Variants in PIEZO2 observed in about 807,000 individuals in gnomAD.
PIEZO2 encodes piezo-type mechanosensitive ion channel component 2.
In PIEZO2, 172 loss-of-function variants were observed where a neutral mutation model predicts 337.3. That is an observed-to-expected ratio of 0.51 (90% confidence interval 0.45 to 0.58). The LOEUF is 0.58. Among genes scored for constraint, PIEZO2 ranks in the 20% least tolerant of loss-of-function variants. The pLI is 0.00. For synonymous variants in PIEZO2, 1,251 were observed against 1,228.5 expected (o/e 1.02, Z -0.38); for missense variants, 3,028 against 3,391.3 (o/e 0.89, Z 2.66).
chr18:10,883,960 G>A (rs1009772037), intron 4 of PIEZO2, among the ~76,000 whole-genome samples: 8 of 151,826 alleles, frequency 5.3e-5, no homozygotes, highest in South Asian at 2.1e-4. Flanking sequence ...ACAGGTGCCC[G>A]CCACCATGCC....
At chr18:10,725,204 C>G in intron 36 of PIEZO2, 1 of 1,556,712 alleles carries the variant, frequency 6.4e-7, no homozygotes, top group Middle Eastern at 1.7e-4. Context: ...ATCATTGAGG[C>G]TGTTCTGGAG....
At chr18:10,928,096 A>C (rs906239585) in intron 3 of PIEZO2, among the ~76,000 whole-genome samples, 1 of 152,200 alleles carries the variant, frequency 6.6e-6, no homozygotes, top group African/African-American at 2.4e-5. Context: ...CTCACAAGAA[A>C]GCAATACGTG....
At chr18:11,030,425 A>G (rs900892890) in intron 2 of PIEZO2, among the ~76,000 whole-genome samples, 1 of 152,058 alleles carries the variant, frequency 6.6e-6, no homozygotes, top group African/African-American at 2.4e-5. Context: ...GGTCCCTAGT[A>G]CTCCCTAAGC....
rs1326896906 is a variant in PIEZO2 at position 10,705,643 on chromosome 18, C to G, written c.5692G>C (p.Glu1898Gln). 6.5e-7 allele frequency: 1 copy of G among 1,537,054 alleles called. No individual in the cohort carries two copies. The highest frequency in any genetic ancestry group is 8.7e-7 in the Non-Finnish European group (1 of 1,146,926). ...QEEEAGSTAP[E>Q]PREAKEYEAT... ...TCGTACTCCTTGGCCTCCCTGGGCTCAGGCGCCGTGCTCCCTGCCTCCTCC... is the reference window on the plus strand; with the variant it reads ...TCGTACTCCTTGGCCTCCCTGGGCTGAGGCGCCGTGCTCCCTGCCTCCTCC... The change falls in exon 41 of 56, where the codon GAG (glutamate) becomes CAG (glutamine). Residue 1898 changes from glutamate (E) to glutamine (Q), a missense_variant. By Grantham distance (29) the Glu-to-Gln change is conservative. Transcript: ENST00000674853.
At position 10,942,062 on chromosome 18, in the gene PIEZO2, G is replaced by A. The variant is rs758558529; in HGVS notation, c.287-30834C>T. On this transcript the variant is annotated intron_variant, in intron 3 of 55. Coordinates refer to ENST00000674853, the MANE Select transcript of PIEZO2 (RefSeq NM_001378183.1). The surrounding 1 kb of genome is among the most constrained non-coding windows in gnomAD (Gnocchi z 4.4). ...ATGTGACTTGCTCCTCCTTGCTTTC[G>A]GCCACGATCGTGAGGCCTCTCCAGC... Among the ~76,000 whole-genome samples, 8 of 152,230 alleles carry A rather than the reference G, an allele frequency of 5.3e-5. No homozygotes were observed. The South Asian group carries it at 1.2e-3, about 24-fold the overall frequency.
chr18:10,740,914 T>G (rs2037192429), intron 33 of PIEZO2, 117 bp downstream of exon 33: 1 of 1,089,264 alleles, frequency 9.2e-7, no homozygotes. Flanking sequence ...CGACCCCCTA[T>G]CAAGTCACAA....
rs538157918 is a variant in PIEZO2 at position 10,839,172 on chromosome 18, T to C, written c.917+16181A>G. Among the ~76,000 whole-genome samples, 16 of 152,280 alleles carry C rather than the reference T, an allele frequency of 1.1e-4. No homozygotes were observed. The South Asian group carries it at 1.9e-3, about 18-fold the overall frequency. On this transcript the variant is annotated intron_variant, in intron 7 of 55. Transcript: ENST00000674853. ...TTCACATAACTGAAAAAATAGTAAA[T>C]AGTGAAACTCACAAGTCCCAGTCTG...
intron 2 of PIEZO2, among the ~76,000 whole-genome samples, chr18:11,064,851 G>T (rs940231634): frequency 6.6e-6 from 1 of 152,174 alleles, no homozygotes; most frequent in Non-Finnish European, 1.5e-5. Context: ...TGGAAAAGGA[G>T]CTCCACACCG....
rs913328557 is a variant in PIEZO2 at position 10,894,219 on chromosome 18, G to C, written c.329+16967C>G. On this transcript the variant is annotated intron_variant, in intron 4 of 55. Coordinates refer to ENST00000674853, the MANE Select transcript of PIEZO2 (RefSeq NM_001378183.1). This position sits in a 1 kb window ranked among gnomAD's most constrained non-coding sequence, Gnocchi z 4.1. The stretch of plus-strand genomic sequence containing the variant: ...TGTAATCCCAGCACTCTGGAAGGCC[G>C]ATGGGGGCGGATCACCTGAGGTCAG... Among the ~76,000 whole-genome samples, 1 of 152,114 alleles carries C rather than the reference G, an allele frequency of 6.6e-6. No homozygotes were observed. The highest frequency in any genetic ancestry group is 1.5e-5 in the Non-Finnish European group (1 of 68,036).
intron 4 of PIEZO2, 67 bp from the exon 5 acceptor site, chr18:10,871,482 T>C (rs943556081): frequency 2.2e-6 from 3 of 1,378,992 alleles, no homozygotes; most frequent in Non-Finnish European, 2.9e-6. Context: ...TAAACTGCCT[T>C]ATAGGATGTT....
chr18:10,756,649 T>C (rs1333840861), intron 27 of PIEZO2, among the ~76,000 whole-genome samples: 1 of 129,880 alleles, frequency 7.7e-6, no homozygotes, highest in Non-Finnish European at 1.6e-5. Context: ...GGGGTGGGGA[T>C]GAGGATGAGC....
In PIEZO2 at chr18:10,873,625, A is replaced by ATTTC. The variant is rs1022687024; in HGVS notation, c.330-2211_330-2210insGAAA. Among the ~76,000 whole-genome samples the ATTTC allele has an allele frequency of 3.2e-4, 48 of 152,218 alleles. 1 individual carries two copies. The highest frequency in any genetic ancestry group is 1.1e-3 in the African/African-American group (44 of 41,544). On this transcript the variant is annotated intron_variant, in intron 4 of 55. Coordinates refer to ENST00000674853, the MANE Select transcript of PIEZO2 (RefSeq NM_001378183.1). The stretch of plus-strand genomic sequence containing the variant: ...ATCATCATACTAATGGACAGACGGT[A>ATTTC]TTTAACTAGTCAACTACTGTTATAA...
chr18:10,680,376 A>G lies in PIEZO2; in HGVS notation c.7780-5T>C. On this transcript the variant is annotated splice_polypyrimidine_tract_variant and splice_region_variant and intron_variant, in intron 51 of 55. Transcript: ENST00000674853. ...TTCCAGAAATTGCATAGCACCCTGTATGTGCACAAATGCACATGCATAAAT... is the reference window on the plus strand; with the variant it reads ...TTCCAGAAATTGCATAGCACCCTGTGTGTGCACAAATGCACATGCATAAAT... The G allele has an allele frequency of 6.2e-7, 1 of 1,612,242 alleles. No individual in the cohort carries two copies.
At chr18:10,696,656 C>G (rs969973644) in intron 45 of PIEZO2, 117 bp from the exon 46 acceptor site, 7 of 1,177,284 alleles carry the variant, frequency 5.9e-6, no homozygotes, top group Non-Finnish European at 7.2e-6. Flanking sequence ...AGTCAGGTCC[C>G]ACCTTCCTCT....
chr18:10,825,550 C>CTTTTTTTTTTTT (rs57159292), intron 7 of PIEZO2, among the ~76,000 whole-genome samples: 2,865 of 113,300 alleles, frequency 0.025, 67 homozygotes, highest in Non-Finnish European at 0.036. Flanking sequence ...TCCTTTCTTC[C>CTTTTTTTTTTTT]TTTTTTTTTT....
At chr18:10,960,086 T>C (rs1175446211) in intron 3 of PIEZO2, among the ~76,000 whole-genome samples, 2 of 152,188 alleles carry the variant, frequency 1.3e-5, no homozygotes, top group South Asian at 2.1e-4. Context: ...CTTTGGGATA[T>C]TGACATCATA....
intron 4 of PIEZO2, among the ~76,000 whole-genome samples, chr18:10,891,883 A>G (rs2042767576): frequency 6.7e-6 from 1 of 149,718 alleles, no homozygotes; most frequent in Non-Finnish European, 1.5e-5. Context: ...TAAAGCACAT[A>G]AAATAGAGTG....
chr18:10,901,432 A>ACG (rs767494039), intron 4 of PIEZO2, among the ~76,000 whole-genome samples: 9 of 23,768 alleles, frequency 3.8e-4, no homozygotes, highest in Admixed American at 3.2e-3. Context: ...ACACACACGC[A>ACG]CACACACACA....
In PIEZO2 at chr18:11,008,025, A is replaced by T. The variant is rs1753752274; in HGVS notation, c.161-28365T>A. ...GCTTCCAACCTCCTTCAAAGGGCAC[A>T]TCTTTCTCCTCACTTGACAAGCACT... On this transcript the variant is annotated intron_variant, in intron 2 of 55. Transcript: ENST00000674853. 2.0e-5 allele frequency among the ~76,000 whole-genome samples: 3 copies of T among 152,314 alleles called. No homozygotes were observed. In the East Asian group the frequency reaches 5.8e-4, roughly 29 times the overall value.
Sources: gnomAD v4.1 joint callset for allele counts (sites outside exome capture counted in the v4.1 genomes callset) on GRCh38, gnomAD v4.1.1 for gene constraint, Gnocchi (gnomAD v3.1) non-coding constraint, MANE v1.5 for transcripts, NCBI Gene and HGNC (gene_info 2026-07-23, HGNC 2026-07-21) for gene names.